Variants in NEMP1 observed in about 807,000 individuals in gnomAD.
NEMP1 encodes the protein transmembrane protein 194.
A neutral mutation model predicts 53.7 loss-of-function variants in NEMP1; 29 were observed. The ratio of observed to expected loss-of-function variants is 0.54; its 90% CI spans 0.40 to 0.74. The LOEUF (loss-of-function observed/expected upper bound fraction) is 0.74. NEMP1 is among the 30% of genes least tolerant of loss of function. NEMP1 has a pLI of 0.00. For missense variants in NEMP1, 477 were observed against 528.6 expected, an observed-to-expected ratio of 0.90 and a Z score of 0.96; for synonymous variants, 193 against 192.9, an observed-to-expected ratio of 1.00 and a Z score of 0.00.
chr12:57,082,022 G>T (rs930751585), upstream of NEMP1, among the ~76,000 whole-genome samples: 1 of 151,788 alleles, frequency 6.6e-6, no homozygotes. Context: ...TTCAAGACCA[G>T]CCTGGCCACC....
chr12:57,080,722 CTCTAA>C (rs1183135773), upstream of NEMP1, among the ~76,000 whole-genome samples: 1 of 151,918 alleles, frequency 6.6e-6, no homozygotes, highest in Non-Finnish European at 1.5e-5. Context: ...AAAACCCTAT[CTCTAA>C]TAAAAATACA....
chr12:57,083,026 TAAATA>T (rs146320392), upstream of NEMP1, among the ~76,000 whole-genome samples: 120 of 152,070 alleles, frequency 7.9e-4, no homozygotes, highest in African/African-American at 2.6e-3. Context: ...TCAAAATAAA[TAAATA>T]AAATAAAATA....
chr12:57,056,481 CTT>C lies in NEMP1; in HGVS notation c.*3396_*3397del, dbSNP rs1294925841. ...CATGATAAATGTGTCAAACTGTTCT[CTT>C]GTTTCAGATACAATTCTTGGCATTT... On this transcript the variant is annotated 3_prime_UTR_variant, in exon 9 of 9. Transcript: ENST00000300128. 3 of 152,168 alleles carry C rather than the reference CTT, an allele frequency of 2.0e-5. No homozygotes were observed. Among genetic ancestry groups the C allele is most frequent in the Non-Finnish European group, 4.4e-5 (3 of 68,022 alleles). 9.4% of individuals were successfully genotyped at this position (152,168 alleles called of 1,614,324 possible). A position where few individuals can be genotyped will look rare whatever the true frequency, so the allele number is the denominator to read the frequency against.
Position 57,063,292 on chromosome 12 carries a change from C to T in NEMP1, c.807G>A (p.Gly269=). ...TGATACTTCGTTCATTCTCCAAGGG[C>T]CCATACTTGTAACATACTGCAAAAC... ...FMSFAVCYKY[G]PLENERSINL... Residue 269 remains glycine, a synonymous_variant, in exon 7 of 9, where the codon GGG becomes GGA. Transcript: ENST00000300128. 1 of 1,614,160 alleles carries T rather than the reference C, an allele frequency of 6.2e-7. No individual in the cohort carries two copies. Among genetic ancestry groups the T allele is most frequent in the Non-Finnish European group, 8.5e-7 (1 of 1,180,024 alleles).
At chr12:57,085,496 C>T (rs939354990) in intron 1 of NEMP1, among the ~76,000 whole-genome samples, 3 of 152,150 alleles carry the variant, frequency 2.0e-5, no homozygotes, top group Admixed American at 6.5e-5. Flanking sequence ...TGTAATTATT[C>T]GTTTATAGGT....
intron 7 of NEMP1, among the ~76,000 whole-genome samples, chr12:57,062,694 A>C (rs1366419249): frequency 6.6e-6 from 1 of 150,962 alleles, no homozygotes; most frequent in African/African-American, 2.4e-5. Context: ...AAATATAAAA[A>C]TTAGCTGAAT....
At chr12:57,073,600 C>T (rs1323620245) in intron 1 of NEMP1, among the ~76,000 whole-genome samples, 3 of 152,090 alleles carry the variant, frequency 2.0e-5, no homozygotes, top group Non-Finnish European at 2.9e-5. Context: ...GCCGAGATCA[C>T]GCCATTGCAC....
intron 2 of NEMP1, 98 bp from the exon 3 acceptor site, chr12:57,070,991 A>C: frequency 2.2e-6 from 2 of 906,162 alleles, no homozygotes; most frequent in Non-Finnish European, 3.3e-6. Context: ...TAACAACCAA[A>C]TCAGTAATGG....
At chr12:57,060,973 T>C in intron 7 of NEMP1, 28 bp from the exon 8 acceptor site, 1 of 1,605,500 alleles carries the variant, frequency 6.2e-7, no homozygotes, top group Non-Finnish European at 8.5e-7. Flanking sequence ...ACATTATGAA[T>C]CATTAATCAG....
At chr12:57,072,440 AAAAAATAAAAAAT>A (rs1483064650) in intron 2 of NEMP1, among the ~76,000 whole-genome samples, 8 of 152,188 alleles carry the variant, frequency 5.3e-5, no homozygotes, top group Non-Finnish European at 1.2e-4. Context: ...ACTCTGCCTC[AAAAAATAAAAAAT>A]AAAAATAAAA....
chr12:57,073,003 A>C, intron 1 of NEMP1, 91 bp from the exon 2 acceptor site: 2 of 1,240,962 alleles, frequency 1.6e-6, no homozygotes, highest in African/African-American at 3.0e-5. Context: ...CCATTTTCCT[A>C]AACTTTGGGT....
At chr12:57,074,416 T>C (rs2032505264) in intron 1 of NEMP1, among the ~76,000 whole-genome samples, 1 of 151,866 alleles carries the variant, frequency 6.6e-6, no homozygotes, top group Admixed American at 6.6e-5. Flanking sequence ...CTCAGCCTCC[T>C]GAGTAGCTGG....
At position 57,087,722 on chromosome 12, in the gene NEMP1, C is replaced by T. The variant is rs528875377; in HGVS notation, n.113+229G>A. 3.3e-5 allele frequency among the ~76,000 whole-genome samples: 5 copies of T among 152,256 alleles called. No individual in the cohort carries two copies. The South Asian group carries it at 8.3e-4, about 25-fold the overall frequency. Reference sequence around the variant, plus strand: ...TGTAAAACCAGCCCCGGTCCACGGCCTCCACGCCCCGCCATGCCCCACCCC... The same window carrying T: ...TGTAAAACCAGCCCCGGTCCACGGCTTCCACGCCCCGCCATGCCCCACCCC... On this transcript the variant is annotated intron_variant and non_coding_transcript_variant, in intron 1 of 2. Transcript: ENST00000553654.
intron 4 of NEMP1, among the ~76,000 whole-genome samples, chr12:57,066,136 TC>T (rs2032064047): frequency 6.6e-6 from 1 of 151,942 alleles, no homozygotes; most frequent in South Asian, 2.1e-4. Context: ...GCGCCTATAG[TC>T]CCAGCTACTA....
chr12:57,074,336 G>A (rs1204482935), intron 1 of NEMP1, among the ~76,000 whole-genome samples: 1 of 142,950 alleles, frequency 7.0e-6, no homozygotes, highest in Non-Finnish European at 1.5e-5. Flanking sequence ...CTGTCACCCA[G>A]GCTGGAATAC....
rs1356500166 is a variant in NEMP1 at position 57,064,632 on chromosome 12, A to G, written c.639+14T>C. ...AAATTCATTCTAGCTGCACATGAAGATTCTGATACTTACCTTAGGCATAAA... is the reference window on the plus strand; with the variant it reads ...AAATTCATTCTAGCTGCACATGAAGGTTCTGATACTTACCTTAGGCATAAA... On this transcript the variant is annotated intron_variant, in intron 5 of 8. Coordinates refer to ENST00000300128, the MANE Select transcript of NEMP1 (RefSeq NM_001130963.2). 1.3e-6 allele frequency: 2 copies of G among 1,583,514 alleles called. No homozygotes were observed. The highest frequency in any genetic ancestry group is 3.5e-5 in the Admixed American group (2 of 56,548).
chr12:57,073,309 G>A (rs1442631879), intron 1 of NEMP1, among the ~76,000 whole-genome samples: 1 of 151,758 alleles, frequency 6.6e-6, no homozygotes, highest in Non-Finnish European at 1.5e-5. Flanking sequence ...CCGCCACCGT[G>A]CCCGGCTAAT....
chr12:57,072,680 A>G, intron 2 of NEMP1, 108 bp downstream of exon 2: 3 of 1,247,394 alleles, frequency 2.4e-6, no homozygotes, highest in Non-Finnish European at 3.3e-6. Flanking sequence ...AAGATTGTTA[A>G]CAACATTTTT....
intron 2 of NEMP1, among the ~76,000 whole-genome samples, chr12:57,071,232 T>C (rs1208024991): frequency 6.6e-6 from 1 of 152,208 alleles, no homozygotes; most frequent in Non-Finnish European, 1.5e-5. Context: ...GTCTATAATA[T>C]TAAGAAAATT....
Sources: allele counts gnomAD v4.1 joint callset (sites outside exome capture counted in the v4.1 genomes callset), GRCh38; gene constraint gnomAD v4.1.1; transcripts MANE v1.5; gene names NCBI Gene and HGNC (gene_info 2026-07-23, HGNC 2026-07-21).